Variants in TVP23C observed in about 807,000 individuals in gnomAD.
The protein encoded by TVP23C is Golgi apparatus membrane protein TVP23 homolog C.
Under a neutral mutation model 28.7 loss-of-function variants are expected in TVP23C, and 19 were observed. The ratio of observed to expected loss-of-function variants is 0.66; its 90% CI spans 0.46 to 0.97. The LOEUF is 0.97. Ranked by LOEUF, TVP23C falls within the 50% of genes least tolerant of loss-of-function variation. The probability of loss-of-function intolerance (pLI) is 0.00; values close to 1 mark genes in which losing one functional copy is unlikely to be tolerated. For missense variants in TVP23C, 186 were observed against 241.3 expected, an observed-to-expected ratio of 0.77 and a Z score of 1.52; for synonymous variants, 68 against 81.7, an observed-to-expected ratio of 0.83 and a Z score of 0.90.
At chr17:15,532,165 CT>C (rs1215395681), downstream of TVP23C, among the ~76,000 whole-genome samples, 2 of 152,144 alleles carry the variant, frequency 1.3e-5, no homozygotes, top group African/African-American at 4.8e-5. Flanking sequence ...TCACACTCCC[CT>C]TTTTTTAAGT....
In TVP23C at chr17:15,559,955, G is replaced by A. The variant is rs575561030; in HGVS notation, c.12+3482C>T. Among the ~76,000 whole-genome samples, 3 of 149,550 alleles carry A rather than the reference G, an allele frequency of 2.0e-5. 1 individual carries two copies. In the East Asian group the frequency reaches 5.8e-4, roughly 29 times the overall value. ...CAAGGAACATAAGGTGAGCCAGGAG[G>A]GGGTAGTGTCCTGGAAACCAAACAA... On this transcript the variant is annotated intron_variant, in intron 1 of 5. Coordinates refer to ENST00000518321, the MANE Select transcript of TVP23C (RefSeq NM_001135036.2).
chr17:15,548,907 A>G (rs1983764910), intron 3 of TVP23C, among the ~76,000 whole-genome samples: 1 of 152,252 alleles, frequency 6.6e-6, no homozygotes, highest in Non-Finnish European at 1.5e-5. Flanking sequence ...ACATAATCTA[A>G]TAAAAGTTAT....
At chr17:15,554,220 G>C (rs1186828568) in intron 2 of TVP23C, among the ~76,000 whole-genome samples, 4 of 151,400 alleles carry the variant, frequency 2.6e-5, no homozygotes, top group Non-Finnish European at 5.9e-5. Flanking sequence ...AAAGTTATCA[G>C]GTAGTTTGTT....
chr17:15,547,196 A>G lies in TVP23C; in HGVS notation c.241-48T>C, dbSNP rs202048498. The G allele has an allele frequency of 1.2e-5, 19 of 1,613,210 alleles. No homozygotes were observed. The East Asian group carries it at 4.0e-4, about 34-fold the overall frequency. ...GGCACATTTTAAAAGCATTATTTAA[A>G]GATCTGTCACAAGCTCCTATCTTAG... On this transcript the variant is annotated intron_variant, in intron 3 of 5. Transcript: ENST00000518321.
At chr17:15,540,906 C>T (rs1035745735) in intron 5 of TVP23C, among the ~76,000 whole-genome samples, 47 of 152,204 alleles carry the variant, frequency 3.1e-4, no homozygotes, top group African/African-American at 1.0e-3. Context: ...GTAAATGAGA[C>T]TCAGGAAAGG....
chr17:15,508,284 CACCTGCCCCTCATTGG>C (rs983946156), intron 5 of TVP23C, among the ~76,000 whole-genome samples: 1 of 152,208 alleles, frequency 6.6e-6, no homozygotes, highest in African/African-American at 2.4e-5. Context: ...ACAGCCACCC[CACCTGCCCCTCATTGG>C]AGATGAGAAA....
intron 5 of TVP23C, among the ~76,000 whole-genome samples, chr17:15,541,618 A>G (rs537178976): frequency 3.9e-5 from 6 of 152,278 alleles, no homozygotes; most frequent in African/African-American, 1.4e-4. Context: ...AACAAGATGT[A>G]TAGCTGATTT....
At chr17:15,516,297 A>G (rs8070714) in intron 5 of TVP23C, 39,577 of 152,314 alleles carry the variant, frequency 0.26, 5,868 homozygotes, top group African/African-American at 0.41. Context: ...AGGAAATCTA[A>G]GGGACTTGGT....
intron 5 of TVP23C, among the ~76,000 whole-genome samples, chr17:15,512,540 G>A (rs937579059): frequency 6.6e-6 from 1 of 152,160 alleles, no homozygotes; most frequent in Non-Finnish European, 1.5e-5. Context: ...AGGAGAGTCT[G>A]TTGTCCCATC....
intron 5 of TVP23C, among the ~76,000 whole-genome samples, chr17:15,514,280 T>G (rs991035774): frequency 6.7e-6 from 1 of 148,926 alleles, no homozygotes; most frequent in Non-Finnish European, 1.5e-5. Context: ...AAACGACAAG[T>G]AAGTAGGGAC....
At position 15,503,371 on chromosome 17, in the gene TVP23C, C is replaced by CTCCA. The variant is rs1331805423; in HGVS notation, c.463-143_463-140dup. On this transcript the variant is annotated intron_variant, in intron 5 of 5. Transcript: ENST00000225576. ...AATGAGCTGTGACCACGCCACTGCA[C>CTCCA]TCCAGCCTGGGCGACAGAGCAAGAC... is the stretch of plus-strand genomic sequence containing the variant. 4 of 1,078,374 alleles carry CTCCA rather than the reference C, an allele frequency of 3.7e-6. No homozygotes were observed. The African/African-American group carries it at 6.4e-5, about 17-fold the overall frequency. 66.8% of individuals were successfully genotyped at this position (1,078,374 alleles called of 1,614,324 possible). A position where few individuals can be genotyped will look rare whatever the true frequency, so the allele number is the denominator to read the frequency against.
intron 1 of TVP23C, among the ~76,000 whole-genome samples, chr17:15,559,590 GAGA>G (rs1417291764): frequency 1.3e-5 from 2 of 148,724 alleles, no homozygotes; most frequent in African/African-American, 2.4e-5. Context: ...AGGGGGAGGG[GAGA>G]AGAAGGAGGG....
In TVP23C at chr17:15,539,114, C is replaced by T; in HGVS notation, c.*1298G>A. On this transcript the variant is annotated 3_prime_UTR_variant, in exon 6 of 6. Coordinates refer to ENST00000518321, the MANE Select transcript of TVP23C (RefSeq NM_001135036.2). Reference sequence around the variant, plus strand: ...AATCCCTGGACCAGTGCCCTCAGTACCACCCAGAAACTTGGGAGAAATGCA... The same window carrying T: ...AATCCCTGGACCAGTGCCCTCAGTATCACCCAGAAACTTGGGAGAAATGCA... 1.0e-6 allele frequency: 1 copy of T among 968,594 alleles called. No homozygotes were observed. Among genetic ancestry groups the T allele is most frequent in the East Asian group, 1.1e-4 (1 of 8,722 alleles). 60.0% of individuals were successfully genotyped at this position (968,594 alleles called of 1,614,324 possible).
intron 1 of TVP23C, among the ~76,000 whole-genome samples, chr17:15,555,754 C>G (rs1984101803): frequency 6.6e-6 from 1 of 152,052 alleles, no homozygotes; most frequent in African/African-American, 2.4e-5. Context: ...TGACTGCATC[C>G]TTAGTTCCAT....
rs565524290 is a variant in TVP23C at position 15,553,522 on chromosome 17, GAAA to G, written c.240+160_240+162del. Among the ~76,000 whole-genome samples the G allele has an allele frequency of 4.5e-4, 54 of 118,984 alleles. 1 individual carries two copies. The highest frequency in any genetic ancestry group is 7.7e-4 in the Non-Finnish European group (45 of 58,430). 78.1% of individuals were successfully genotyped at this position (118,984 alleles called of 152,430 possible). A position where few individuals can be genotyped will look rare whatever the true frequency, so the allele number is the denominator to read the frequency against. The stretch of plus-strand genomic sequence containing the variant: ...TCTTGTATTGTCAAAGGGAAAAAAT[GAAA>G]AAAAAAAAAAAAAACTACATGCAAT... On this transcript the variant is annotated intron_variant, in intron 3 of 5. Coordinates refer to ENST00000518321, the MANE Select transcript of TVP23C (RefSeq NM_001135036.2).
At chr17:15,545,463 A>G (rs567956545) in intron 5 of TVP23C, among the ~76,000 whole-genome samples, 1 of 152,424 alleles carries the variant, frequency 6.6e-6, no homozygotes, top group South Asian at 2.1e-4. Context: ...AAACTGTGAG[A>G]TAATGGCTGT....
chr17:15,546,647 A>C (rs1437094757), intron 4 of TVP23C, among the ~76,000 whole-genome samples: 1 of 148,130 alleles, frequency 6.8e-6, no homozygotes, highest in Non-Finnish European at 1.5e-5. Context: ...TATTCTATCC[A>C]GCTGCACTCC....
At chr17:15,506,989 G>A in intron 5 of TVP23C, 1 of 1,293,104 alleles carries the variant, frequency 7.7e-7, no homozygotes. Flanking sequence ...TCTAAGCACT[G>A]GAGAGAAAGG....
chr17:15,555,345 T>C lies in TVP23C; in HGVS notation c.32A>G (p.Glu11Gly). The C allele has an allele frequency of 1.7e-5, 27 of 1,613,974 alleles. No homozygotes were observed. The highest frequency in any genetic ancestry group is 2.3e-5 in the Non-Finnish European group (27 of 1,179,866). Reference protein sequence around the residue: MLQQDSNDDTEDVSLFDAEEE... With the variant: MLQQDSNDDTGDVSLFDAEEE... The stretch of plus-strand genomic sequence containing the variant: ...TTCCGCATCAAACAGTGAAACATCT[T>C]CAGTGTCATCATTACTATCCTGGTT... Residue 11 changes from glutamate (E) to glycine (G), a missense_variant, in exon 2 of 6, where the codon GAA (glutamate) becomes GGA (glycine). Glu to Gly is a moderately conservative substitution (Grantham distance 98, BLOSUM62 -2). Coordinates refer to ENST00000518321, the MANE Select transcript of TVP23C (RefSeq NM_001135036.2).
Sources: gnomAD v4.1 joint callset for allele counts (sites outside exome capture counted in the v4.1 genomes callset) on GRCh38, gnomAD v4.1.1 for gene constraint, MANE v1.5 for transcripts, NCBI Gene and HGNC (gene_info 2026-07-23, HGNC 2026-07-21) for gene names.